CNKSR3: variants seen among roughly 807,000 people sequenced by gnomAD.
CNKSR3 encodes the protein connector enhancer of kinase suppressor of ras 3.
In CNKSR3, 36 loss-of-function variants were observed where a neutral mutation model predicts 67.7. That is an observed-to-expected ratio of 0.53 (90% CI 0.41 to 0.70). CNKSR3 has a LOEUF of 0.70. CNKSR3 is among the 30% of genes least tolerant of loss of function. The pLI, the probability that CNKSR3 is intolerant of heterozygous loss-of-function variation, is 0.00. For synonymous variants in CNKSR3, 281 were observed against 271.4 expected, an observed-to-expected ratio of 1.04 and a Z score of -0.35; for missense variants, 630 against 695.2, an observed-to-expected ratio of 0.91 and a Z score of 1.05.
Position 154,457,705 on chromosome 6 carries a change from C to G in CNKSR3, c.53-7447G>C, listed in dbSNP as rs574424309. On this transcript the variant is annotated intron_variant, in intron 1 of 12. Transcript: ENST00000607772. Reference sequence around the variant, plus strand: ...TGTCACAGCTGAACTTATGTCTTGCCCGGATTTCTGCAATAACCTAGAAAG... The same window carrying G: ...TGTCACAGCTGAACTTATGTCTTGCGCGGATTTCTGCAATAACCTAGAAAG... 1.1e-4 allele frequency among the ~76,000 whole-genome samples: 17 copies of G among 152,278 alleles called. No homozygotes were observed. In the South Asian group the frequency reaches 3.5e-3, roughly 32 times the overall value.
intron 7 of CNKSR3, among the ~76,000 whole-genome samples, chr6:154,427,441 GT>G (rs1785278610): frequency 6.6e-6 from 1 of 152,176 alleles, no homozygotes; most frequent in Non-Finnish European, 1.5e-5. Flanking sequence ...AACATTTTTA[GT>G]TTCATATCAA....
At chr6:154,414,713 C>T in intron 9 of CNKSR3, 3 of 553,570 alleles carry the variant, frequency 5.4e-6, no homozygotes, top group South Asian at 2.9e-5. Flanking sequence ...CATCTGTGGC[C>T]TCCCTTTCCT....
chr6:154,413,187 G>T (rs944272096), intron 10 of CNKSR3, among the ~76,000 whole-genome samples: 3 of 147,828 alleles, frequency 2.0e-5, no homozygotes, highest in African/African-American at 7.5e-5. Context: ...AATATGAAAT[G>T]TTCATACCTA....
intron 1 of CNKSR3, among the ~76,000 whole-genome samples, chr6:154,489,175 G>A (rs1264414160): frequency 1.3e-5 from 2 of 152,076 alleles, no homozygotes; most frequent in African/African-American, 4.8e-5. Flanking sequence ...ACAAATATAT[G>A]ATTCCCCTGG....
Position 154,400,697 on chromosome 6 carries a change from A to C in CNKSR3, c.*5657T>G, listed in dbSNP as rs1784707010. On this transcript the variant is annotated 3_prime_UTR_variant, in exon 13 of 13. Coordinates refer to ENST00000607772, the MANE Select transcript of CNKSR3 (RefSeq NM_173515.4). ...TTGGGACAGACTCCACACCCCTAAA[A>C]CTAGAGGAAAAACAAGGCCCTCTAG... 6.6e-6 allele frequency: 1 copy of C among 152,222 alleles called. No homozygotes were observed. The highest frequency in any genetic ancestry group is 1.5e-5 in the Non-Finnish European group (1 of 68,042). 9.4% of individuals were successfully genotyped at this position (152,222 alleles called of 1,614,324 possible).
At chr6:154,474,372 C>A (rs1786396734) in intron 1 of CNKSR3, among the ~76,000 whole-genome samples, 1 of 150,940 alleles carries the variant, frequency 6.6e-6, no homozygotes, top group Non-Finnish European at 1.5e-5. Flanking sequence ...GAGATCGCAC[C>A]ACTGCACTCC....
chr6:154,487,541 C>A (rs958490181), intron 1 of CNKSR3, among the ~76,000 whole-genome samples: 3 of 152,184 alleles, frequency 2.0e-5, no homozygotes, highest in Non-Finnish European at 4.4e-5. Context: ...TGTCACCCTG[C>A]AGCAGCCACA....
Position 154,406,596 on chromosome 6 carries a change from C to G in CNKSR3, c.1426G>C (p.Glu476Gln), listed in dbSNP as rs1486858107. Residue 476 changes from glutamate (E) to glutamine (Q), a missense_variant, in exon 13 of 13, where the codon GAG (glutamate) becomes CAG (glutamine). Glu to Gln is a conservative substitution (Grantham distance 29). Coordinates refer to ENST00000607772, the MANE Select transcript of CNKSR3 (RefSeq NM_173515.4). ...SNERIPPIIE[E>Q]SSSPPYRFSR... ...AACCGGTATGGGGGAGAGGAGCTCT[C>G]TTCAATGATCGGAGGAATCCGCTCG... The G allele has an allele frequency of 6.2e-7, 1 of 1,614,094 alleles. No individual in the cohort carries two copies. Among genetic ancestry groups the G allele is most frequent in the Admixed American group, 1.7e-5 (1 of 60,010 alleles).
rs748423356 is a variant in CNKSR3, at chr6:154,410,367, T to C, written c.1345A>G (p.Arg449Gly). ...CCTTTCCTGCCATGACCTCGAGGTC[T>C]GGCAAAAGGGTCCACAATCCCCATC... The part of the protein sequence containing the change: ...NWMGIVDPFA[R>G]PRGHGRKGED... The change falls in exon 12 of 13, where the codon AGA becomes GGA. Residue 449 changes from arginine to glycine, a missense_variant. By Grantham distance (125) the Arg-to-Gly change is moderately radical. This residue lies in a region of CNKSR3 where 308 missense variants were observed against 299.6 expected (regional missense o/e 1.03). Coordinates refer to ENST00000607772, the MANE Select transcript of CNKSR3 (RefSeq NM_173515.4). 3 of 1,613,924 alleles carry C rather than the reference T, an allele frequency of 1.9e-6. No individual in the cohort carries two copies. In the African/African-American group the frequency reaches 4.0e-5, roughly 22 times the overall value.
At position 154,395,542 on chromosome 6, in the gene CNKSR3, C is replaced by T. The variant is rs1173948106; in HGVS notation, c.*10812G>A. 6.6e-6 allele frequency: 1 copy of T among 152,200 alleles called. No individual in the cohort carries two copies. Among genetic ancestry groups the T allele is most frequent in the African/African-American group, 2.4e-5 (1 of 41,442 alleles). The allele number at this position is 152,200 out of a possible 1,614,324, so 9.4% of individuals were successfully genotyped here. ...TCAACAAAGTAGAACATCACAGACT[C>T]AGATGAGCCCTATGTAGCAATATGC... On this transcript the variant is annotated 3_prime_UTR_variant, in exon 13 of 13. Transcript: ENST00000607772.
In CNKSR3 at chr6:154,415,227, C is replaced by CTTTTTTTTTTTTTTTTTTT. The variant is rs773533317; in HGVS notation, c.946-805_946-804insAAAAAAAAAAAAAAAAAAA. Among the ~76,000 whole-genome samples the CTTTTTTTTTTTTTTTTTTT allele has an allele frequency of 6.9e-4, 78 of 112,768 alleles. 9 individuals carry two copies. The highest frequency in any genetic ancestry group is 1.8e-3 in the East Asian group (5 of 2,770). 74.0% of individuals were successfully genotyped at this position (112,768 alleles called of 152,430 possible). On this transcript the variant is annotated intron_variant, in intron 9 of 12. Coordinates refer to ENST00000607772, the MANE Select transcript of CNKSR3 (RefSeq NM_173515.4). ...ATCCTGGCTAGACTTACTAGCTGCCCATTTTTTTTTTTTTTTTTTTTAAGA... is the reference window on the plus strand; with the variant it reads ...ATCCTGGCTAGACTTACTAGCTGCCCTTTTTTTTTTTTTTTTTTTATTTTTTTTTTTTTTTTTTTTAAGA...
chr6:154,422,235 G>A (rs1489367930), intron 9 of CNKSR3, among the ~76,000 whole-genome samples: 7 of 151,784 alleles, frequency 4.6e-5, no homozygotes, highest in East Asian at 1.9e-4. Flanking sequence ...CTCGTGATCC[G>A]CCCGCCTCAG....
chr6:154,451,957 G>A (rs1249285880), intron 1 of CNKSR3, among the ~76,000 whole-genome samples: 1 of 152,156 alleles, frequency 6.6e-6, no homozygotes, highest in Non-Finnish European at 1.5e-5. Context: ...CGTGGCACGC[G>A]AGTCAGGCAG....
rs766472909 is a variant in CNKSR3 at position 154,430,555 on chromosome 6, G to A, written c.586C>T (p.Arg196Ter). ...CTCATCACAGGATCTGTGGTAGATC[G>A]GATTGTTTTGTCACAGATGCCATTT... ...VLNGICDKTI[R>*]STTDPVMSQC... Residue 196 changes from arginine (R) to a stop codon, truncating the protein, a stop_gained, in exon 6 of 13, where the codon CGA (arginine) becomes TGA (stop). Transcript: ENST00000607772. LOFTEE classifies it high-confidence loss of function. 1.9e-6 allele frequency: 3 copies of A among 1,611,314 alleles called. No homozygotes were observed. The highest frequency in any genetic ancestry group is 2.5e-6 in the Non-Finnish European group (3 of 1,178,776).
At chr6:154,501,042 A>G (rs112729881) in intron 1 of CNKSR3, among the ~76,000 whole-genome samples, 3 of 152,202 alleles carry the variant, frequency 2.0e-5, no homozygotes, top group Middle Eastern at 3.2e-3. Context: ...TCTCTATTCT[A>G]AATGACCATC....
In CNKSR3 at chr6:154,510,232, C is replaced by T. The variant is rs1787188735; in HGVS notation, c.-118G>A. ...CGGCTGCTCCCCTGCGCCCGAGCGACTCCGTCAAGACTGCATGGCCGCGGT... is the reference window on the plus strand; with the variant it reads ...CGGCTGCTCCCCTGCGCCCGAGCGATTCCGTCAAGACTGCATGGCCGCGGT... On this transcript the variant is annotated 5_prime_UTR_variant, in exon 1 of 13. Transcript: ENST00000607772. 1.6e-6 allele frequency: 2 copies of T among 1,228,902 alleles called. No homozygotes were observed. The highest frequency in any genetic ancestry group is 1.5e-5 in the African/African-American group (1 of 67,692). 76.1% of individuals were successfully genotyped at this position (1,228,902 alleles called of 1,614,324 possible). A position where few individuals can be genotyped will look rare whatever the true frequency, so the allele number is the denominator to read the frequency against.
intron 1 of CNKSR3, among the ~76,000 whole-genome samples, chr6:154,479,915 C>T (rs1019223486): frequency 9.9e-5 from 15 of 152,168 alleles, no homozygotes; most frequent in Admixed American, 6.5e-4. Flanking sequence ...CTCCCTCACA[C>T]GGTGGTTAAG....
Position 154,392,053 on chromosome 6 carries a change from T to C in CNKSR3, c.*14301A>G, listed in dbSNP as rs528278961. ...GGTGAAACCCCGTCACTATTAAAAA[T>C]ACAAAAATTAGCTTGGTGTGGTGGT... On this transcript the variant is annotated 3_prime_UTR_variant, in exon 13 of 13. Transcript: ENST00000607772. 6.6e-6 allele frequency: 1 copy of C among 152,134 alleles called. No homozygotes were observed. Among genetic ancestry groups the C allele is most frequent in the African/African-American group, 2.4e-5 (1 of 41,492 alleles). 9.4% of individuals were successfully genotyped at this position (152,134 alleles called of 1,614,324 possible).
rs201840028 is a variant in CNKSR3, at chr6:154,396,801, CT to C, written c.*9552del. The C allele has an allele frequency of 0.21, 28,704 of 139,322 alleles. 2,548 individuals are homozygous for C. Among genetic ancestry groups the C allele is most frequent in the East Asian group, 0.39 (1,842 of 4,742 alleles). The allele number at this position is 139,322 out of a possible 1,614,324, so 8.6% of individuals were successfully genotyped here. The stretch of plus-strand genomic sequence containing the variant: ...TCAGCAAAAATTCACTAATTGTTTT[CT>C]TTTTTTTTTTTTTTTGAGACGGAGT... On this transcript the variant is annotated 3_prime_UTR_variant, in exon 13 of 13. Coordinates refer to ENST00000607772, the MANE Select transcript of CNKSR3 (RefSeq NM_173515.4).
Sources: allele counts gnomAD v4.1 joint callset (sites outside exome capture counted in the v4.1 genomes callset), GRCh38; gene constraint gnomAD v4.1.1; regional missense constraint gnomAD v4.1.1; transcripts MANE v1.5; gene names NCBI Gene and HGNC (gene_info 2026-07-23, HGNC 2026-07-21).